Variants in TENM4 observed in about 807,000 individuals in gnomAD.
The protein encoded by TENM4 is teneurin transmembrane protein 4.
TENM4 carries 82 observed loss-of-function variants against 243.3 expected under a neutral mutation model. The ratio of observed to expected loss-of-function variants is 0.34; its 90% CI spans 0.28 to 0.40. The LOEUF (loss-of-function observed/expected upper bound fraction) is 0.40. Ranked by LOEUF, TENM4 falls within the 10% of genes least tolerant of loss-of-function variation. TENM4 has a pLI of 1.00. For missense variants in TENM4, 3,138 were observed against 3,673.3 expected (o/e 0.85, Z 3.77); for synonymous variants, 1,412 against 1,456.3 (o/e 0.97, Z 0.69).
chr11:78,909,172 T>C (rs1856126952), intron 6 of TENM4, among the ~76,000 whole-genome samples: 1 of 152,224 alleles, frequency 6.6e-6, no homozygotes, highest in South Asian at 2.1e-4. Context: ...GACTTTGAGA[T>C]GCTCATAGTC....
chr11:78,793,829 T>G (rs573794688), intron 15 of TENM4, among the ~76,000 whole-genome samples: 27 of 152,188 alleles, frequency 1.8e-4, no homozygotes, highest in Non-Finnish European at 2.5e-4. Context: ...GTGACTGTGA[T>G]TCACATGATT....
At chr11:79,146,206 T>G (rs1862392805) in intron 4 of TENM4, among the ~76,000 whole-genome samples, 1 of 152,148 alleles carries the variant, frequency 6.6e-6, no homozygotes, top group Non-Finnish European at 1.5e-5. Context: ...AATTATGCAG[T>G]CTTTCCTGGG....
intron 3 of TENM4, among the ~76,000 whole-genome samples, chr11:79,205,907 A>G (rs1203931958): frequency 6.6e-6 from 1 of 152,242 alleles, no homozygotes; most frequent in East Asian, 1.9e-4. Flanking sequence ...CCATGCAGCC[A>G]CCGTGCTGAG....
intron 12 of TENM4, among the ~76,000 whole-genome samples, chr11:78,816,176 G>C (rs1042191710): frequency 6.6e-6 from 1 of 152,228 alleles, no homozygotes; most frequent in Non-Finnish European, 1.5e-5. Context: ...AAACAGTAAA[G>C]AAACTAGCCC....
chr11:79,344,513 G>C lies in TENM4; in HGVS notation c.-320-46970C>G, dbSNP rs570218047. Among the ~76,000 whole-genome samples, 4 of 152,328 alleles carry C rather than the reference G, an allele frequency of 2.6e-5. No homozygotes were observed. In the East Asian group the frequency reaches 7.7e-4, roughly 29 times the overall value. On this transcript the variant is annotated intron_variant, in intron 1 of 33. Coordinates refer to ENST00000278550, the MANE Select transcript of TENM4 (RefSeq NM_001098816.3). Reference sequence around the variant, plus strand: ...GAGCTATGGAACTTACAGAAAGAGAGTACATGACACCCCCAGAAGGGGTCT... The same window carrying C: ...GAGCTATGGAACTTACAGAAAGAGACTACATGACACCCCCAGAAGGGGTCT...
At chr11:79,188,422 C>T (rs1450495284) in intron 3 of TENM4, among the ~76,000 whole-genome samples, 1 of 152,044 alleles carries the variant, frequency 6.6e-6, no homozygotes, top group African/African-American at 2.4e-5. Context: ...CTGCAGGATT[C>T]ATAGACCCCA....
intron 1 of TENM4, among the ~76,000 whole-genome samples, chr11:79,336,509 C>T (rs994984899): frequency 4.7e-4 from 72 of 152,110 alleles, no homozygotes; most frequent in African/African-American, 1.5e-3. Context: ...CAGAAAGAAT[C>T]GGCTGGTTAT....
At chr11:78,957,824 G>A (rs550229232) in intron 6 of TENM4, among the ~76,000 whole-genome samples, 5 of 152,200 alleles carry the variant, frequency 3.3e-5, no homozygotes, top group African/African-American at 4.8e-5. Flanking sequence ...CAGGGGCTTC[G>A]TAAAGGTTTG....
At chr11:78,941,560 G>A (rs974106731) in intron 6 of TENM4, among the ~76,000 whole-genome samples, 9 of 152,182 alleles carry the variant, frequency 5.9e-5, no homozygotes, top group Non-Finnish European at 7.3e-5. Flanking sequence ...CTCTAGGCTC[G>A]GAGGCAGGAA....
intron 12 of TENM4, among the ~76,000 whole-genome samples, chr11:78,839,458 T>C (rs1014753421): frequency 1.3e-5 from 2 of 152,222 alleles, no homozygotes; most frequent in Non-Finnish European, 2.9e-5. Flanking sequence ...TGCAGGTATA[T>C]GGGAAATCTA....
chr11:79,253,459 T>C (rs1243854278), intron 2 of TENM4, among the ~76,000 whole-genome samples: 2 of 152,192 alleles, frequency 1.3e-5, no homozygotes, highest in Admixed American at 6.5e-5. Context: ...ATGATCTTCA[T>C]GGTCCAGCAG....
Position 78,891,265 on chromosome 11 carries a change from G to A in TENM4, c.821C>T (p.Ser274Phe), listed in dbSNP as rs997352911. The change falls in exon 8 of 34, where the codon TCC becomes TTC. Residue 274 changes from serine to phenylalanine, a missense_variant. Ser to Phe is a radical substitution (Grantham distance 155). Coordinates refer to ENST00000278550, the MANE Select transcript of TENM4 (RefSeq NM_001098816.3). Reference sequence around the variant, plus strand: ...GTCACTGTAAGCCCCATCATGGCGGGAGGCGCCGAGAATGTCCATCTCAAT... The same window carrying A: ...GTCACTGTAAGCCCCATCATGGCGGAAGGCGCCGAGAATGTCCATCTCAAT... ...NLIEMDILGA[S>F]RHDGAYSDGH... The A allele has an allele frequency of 1.3e-6, 2 of 1,551,700 alleles. No individual in the cohort carries two copies. Among genetic ancestry groups the A allele is most frequent in the African/African-American group, 1.4e-5 (1 of 73,170 alleles).
chr11:79,081,010 C>T (rs1215353473), intron 4 of TENM4, among the ~76,000 whole-genome samples: 1 of 152,206 alleles, frequency 6.6e-6, no homozygotes, highest in Non-Finnish European at 1.5e-5. Context: ...ATTAGGCCTC[C>T]ACTCTGTGAG....
rs377378183 is a variant in TENM4 at position 78,818,421 on chromosome 11, C to T, written c.1682-4026G>A. ...GTTGCTAAACCTGACAGCATAGAAGCCTGTTTGCTACAAAACTTGCCCCAG... is the reference window on the plus strand; with the variant it reads ...GTTGCTAAACCTGACAGCATAGAAGTCTGTTTGCTACAAAACTTGCCCCAG... On this transcript the variant is annotated intron_variant, in intron 12 of 33. Coordinates refer to ENST00000278550, the MANE Select transcript of TENM4 (RefSeq NM_001098816.3). Among the ~76,000 whole-genome samples the T allele has an allele frequency of 3.3e-5, 5 of 152,150 alleles. No individual in the cohort carries two copies. In the South Asian group the frequency reaches 6.2e-4, roughly 19 times the overall value.
intron 6 of TENM4, among the ~76,000 whole-genome samples, chr11:78,973,870 G>A (rs1007862923): frequency 6.6e-6 from 1 of 151,916 alleles, no homozygotes; most frequent in African/African-American, 2.4e-5. Flanking sequence ...CCCTGAGGAG[G>A]TGACATTTAA....
chr11:78,899,564 G>GT lies in TENM4; in HGVS notation c.749+3703_749+3704insA, dbSNP rs1555098938. ...CTGCACTCTGTCTCAAAAAGCGGGGGGGGGGGGAAAAAGAAAAAAGAAAGA... is the reference window on the plus strand; with the variant it reads ...CTGCACTCTGTCTCAAAAAGCGGGGGTGGGGGGGAAAAAGAAAAAAGAAAGA... On this transcript the variant is annotated intron_variant, in intron 7 of 33. Transcript: ENST00000278550. 4.4e-5 allele frequency among the ~76,000 whole-genome samples: 6 copies of GT among 134,844 alleles called. No homozygotes were observed. In the East Asian group the frequency reaches 7.6e-4, roughly 17 times the overall value. 88.5% of individuals were successfully genotyped at this position (134,844 alleles called of 152,430 possible). A position where few individuals can be genotyped will look rare whatever the true frequency, so the allele number is the denominator to read the frequency against.
intron 2 of TENM4, among the ~76,000 whole-genome samples, chr11:79,296,010 T>C (rs1284508153): frequency 6.6e-6 from 1 of 152,006 alleles, no homozygotes; most frequent in Non-Finnish European, 1.5e-5. Context: ...TACAGCATTC[T>C]AGGTGCATCT....
chr11:78,777,037 A>G (rs930072800), intron 17 of TENM4, among the ~76,000 whole-genome samples: 1 of 152,102 alleles, frequency 6.6e-6, no homozygotes, highest in South Asian at 2.1e-4. Context: ...GGGTATCATT[A>G]TATCTATTCC....
intron 15 of TENM4, among the ~76,000 whole-genome samples, chr11:78,792,368 A>C (rs1857074241): frequency 6.6e-6 from 1 of 152,218 alleles, no homozygotes; most frequent in Non-Finnish European, 1.5e-5. Flanking sequence ...TGTAGCCTGG[A>C]CTTCCTCTCA....
Sources: gnomAD v4.1 joint callset for allele counts (sites outside exome capture counted in the v4.1 genomes callset) on GRCh38, gnomAD v4.1.1 for gene constraint, MANE v1.5 for transcripts, NCBI Gene and HGNC (gene_info 2026-07-23, HGNC 2026-07-21) for gene names.